The following TRIP12 variants were observed in gnomAD, a reference collection of about 807,000 sequenced individuals.
TRIP12 encodes E3 ubiquitin-protein ligase TRIP12.
TRIP12 carries 25 observed loss-of-function variants against 244.2 expected under a neutral mutation model. That is an observed-to-expected ratio of 0.10 (90% CI 0.07 to 0.14). The LOEUF (loss-of-function observed/expected upper bound fraction) is 0.14. Among genes scored for constraint, TRIP12 ranks in the 10% least tolerant of loss-of-function variants. The probability of loss-of-function intolerance (pLI) is 1.00; values close to 1 mark genes in which losing one functional copy is unlikely to be tolerated. For missense variants in TRIP12, 1,677 were observed against 2,486.4 expected (o/e 0.67, Z 6.92); for synonymous variants, 905 against 873.1 (o/e 1.04, Z -0.64).
Position 229,814,333 on chromosome 2 carries a change from C to T in TRIP12, c.1732-8G>A. On this transcript the variant is annotated splice_polypyrimidine_tract_variant and splice_region_variant and intron_variant, in intron 11 of 41. Transcript: ENST00000675903. ...ACACTGAATAACTTGCAGCTGGGAA[C>T]ATATATATAGTTACCATAAGGTTAT... is the stretch of plus-strand genomic sequence containing the variant. The T allele has an allele frequency of 1.2e-6, 2 of 1,613,180 alleles. No individual in the cohort carries two copies. The highest frequency in any genetic ancestry group is 1.3e-5 in the African/African-American group (1 of 75,000).
intron 1 of TRIP12, among the ~76,000 whole-genome samples, chr2:229,896,807 T>TG (rs1560199057): frequency 6.6e-6 from 1 of 152,124 alleles, no homozygotes. Flanking sequence ...GCAAAGCTGG[T>TG]GTATCTAAAA....
rs550774362 is a variant in TRIP12 at position 229,783,908 on chromosome 2, C to T, written c.5094+1849G>A. 3.3e-5 allele frequency among the ~76,000 whole-genome samples: 5 copies of T among 150,498 alleles called. No homozygotes were observed. The East Asian group carries it at 5.9e-4, about 18-fold the overall frequency. On this transcript the variant is annotated intron_variant, in intron 34 of 41. Coordinates refer to ENST00000675903, the MANE Select transcript of TRIP12 (RefSeq NM_001348323.3). ...GGTGGATCACCTGAGGTCAGGAGTTCGAGACCAGCCTGACCAACATGCAGA... is the reference window on the plus strand; with the variant it reads ...GGTGGATCACCTGAGGTCAGGAGTTTGAGACCAGCCTGACCAACATGCAGA...
intron 1 of TRIP12, among the ~76,000 whole-genome samples, chr2:229,904,515 A>G (rs2072102821): frequency 6.6e-6 from 1 of 152,132 alleles, no homozygotes; most frequent in Non-Finnish European, 1.5e-5. Context: ...AAGAACTAAT[A>G]ATGCAACAGG....
chr2:229,861,341 A>C (rs534070539), intron 2 of TRIP12, among the ~76,000 whole-genome samples: 1 of 152,338 alleles, frequency 6.6e-6, no homozygotes, highest in East Asian at 1.9e-4. Flanking sequence ...GGGAATGGTT[A>C]CATGAGATTT....
Position 229,860,328 on chromosome 2 carries a change from C to T in TRIP12, c.224+78G>A, listed in dbSNP as rs917636776. ...ATGTATCAAAACGTTTTGGAATAACCTCAAGTTTTAACATTATGCAATGAT... is the reference window on the plus strand; with the variant it reads ...ATGTATCAAAACGTTTTGGAATAACTTCAAGTTTTAACATTATGCAATGAT... On this transcript the variant is annotated intron_variant, in intron 3 of 41. Transcript: ENST00000675903. 11 of 1,500,530 alleles carry T rather than the reference C, an allele frequency of 7.3e-6. No individual in the cohort carries two copies. In the African/African-American group the frequency reaches 1.4e-4, roughly 19 times the overall value. 93.0% of individuals were successfully genotyped at this position (1,500,530 alleles called of 1,614,324 possible).
intron 15 of TRIP12, among the ~76,000 whole-genome samples, chr2:229,808,627 C>A (rs1305773790): frequency 6.6e-6 from 1 of 152,222 alleles, no homozygotes; most frequent in Non-Finnish European, 1.5e-5. Flanking sequence ...AATTCCTTCT[C>A]ACCCCTGAGA....
rs551597653 is a variant in TRIP12 at position 229,790,571 on chromosome 2, T to C, written c.4543+553A>G. Reference sequence around the variant, plus strand: ...GGGTGTCCTCCATGGAACAATAATATTGTCTAACTCTAAGGCACTGTTAGT... The same window carrying C: ...GGGTGTCCTCCATGGAACAATAATACTGTCTAACTCTAAGGCACTGTTAGT... On this transcript the variant is annotated intron_variant, in intron 30 of 41. Transcript: ENST00000675903. 1.2e-4 allele frequency among the ~76,000 whole-genome samples: 18 copies of C among 151,924 alleles called. No individual in the cohort carries two copies. In the South Asian group the frequency reaches 3.7e-3, roughly 32 times the overall value.
chr2:229,791,327 A>G (rs1232495381), intron 29 of TRIP12, 76 bp from the exon 30 acceptor site: 3 of 1,484,760 alleles, frequency 2.0e-6, no homozygotes, highest in Non-Finnish European at 2.8e-6. Flanking sequence ...AGCCACAGAC[A>G]CCACAGTTAC....
Position 229,830,743 on chromosome 2 carries a change from TA to T in TRIP12, c.1354+12del, listed in dbSNP as rs1227946876. 1 of 1,611,686 alleles carries T rather than the reference TA, an allele frequency of 6.2e-7. No homozygotes were observed. On this transcript the variant is annotated intron_variant, in intron 7 of 41. Transcript: ENST00000675903. ...TGGTAATGGTTTCTTATAGGCTCAATAACTGTTTTTACCTTGCAAACGTCCC... is the reference window on the plus strand; with the variant it reads ...TGGTAATGGTTTCTTATAGGCTCAATACTGTTTTTACCTTGCAAACGTCCC...
At chr2:229,826,825 C>T (rs1351531214) in intron 8 of TRIP12, among the ~76,000 whole-genome samples, 1 of 152,020 alleles carries the variant, frequency 6.6e-6, no homozygotes, top group Non-Finnish European at 1.5e-5. Context: ...AATGGTACGT[C>T]TGTATAGGGC....
intron 13 of TRIP12, among the ~76,000 whole-genome samples, chr2:229,812,123 CTT>C (rs1000736826): frequency 4.6e-5 from 7 of 152,178 alleles, no homozygotes; most frequent in South Asian, 4.1e-4. Context: ...GAGTTTCGCT[CTT>C]GTTACCCAGG....
In TRIP12 at chr2:229,831,062, CTTGT is replaced by C. The variant is rs2053212349; in HGVS notation, c.1271-227_1271-224del. The C allele has an allele frequency of 7.2e-6, 5 of 695,626 alleles. No homozygotes were observed. In the East Asian group the frequency reaches 1.3e-4, roughly 19 times the overall value. 43.1% of individuals were successfully genotyped at this position (695,626 alleles called of 1,614,324 possible). On this transcript the variant is annotated intron_variant, in intron 6 of 41. Transcript: ENST00000675903. ...GTATTAAAAAGGTTGTATTTTTATG[CTTGT>C]TTTTCATTTATATGTGGCTTTTGAC...
chr2:229,904,394 GGAAA>G (rs1410269416), intron 1 of TRIP12, among the ~76,000 whole-genome samples: 1 of 131,800 alleles, frequency 7.6e-6, no homozygotes, highest in Non-Finnish European at 1.5e-5. Context: ...CTCCAGCCTG[GGAAA>G]GAGTGAGACT....
At position 229,803,485 on chromosome 2, in the gene TRIP12, C is replaced by G. The variant is rs1433017853; in HGVS notation, c.2998+86G>C. 5 of 791,852 alleles carry G rather than the reference C, an allele frequency of 6.3e-6. No homozygotes were observed. In the East Asian group the frequency reaches 1.3e-4, roughly 21 times the overall value. 49.1% of individuals were successfully genotyped at this position (791,852 alleles called of 1,614,324 possible). A position where few individuals can be genotyped will look rare whatever the true frequency, so the allele number is the denominator to read the frequency against. ...TAAATGTCATTTTTAAATTGAAAAGCTATCAGTTTTTGCTCGACAGATTAA... is the reference window on the plus strand; with the variant it reads ...TAAATGTCATTTTTAAATTGAAAAGGTATCAGTTTTTGCTCGACAGATTAA... On this transcript the variant is annotated intron_variant, in intron 20 of 41. Transcript: ENST00000675903.
At chr2:229,840,562 T>TG (rs1337873971) in intron 5 of TRIP12, among the ~76,000 whole-genome samples, 1 of 151,566 alleles carries the variant, frequency 6.6e-6, no homozygotes, top group African/African-American at 2.4e-5. Context: ...ATTAGCTGGG[T>TG]GGGGTGGCAG....
At chr2:229,801,160 C>T in intron 21 of TRIP12, among the ~76,000 whole-genome samples, 1 of 152,170 alleles carries the variant, frequency 6.6e-6, no homozygotes, top group East Asian at 1.9e-4. Flanking sequence ...AAAGCAACTG[C>T]AGAATCAGGG....
chr2:229,811,646 C>T (rs1003586959), intron 13 of TRIP12, among the ~76,000 whole-genome samples: 3 of 152,112 alleles, frequency 2.0e-5, no homozygotes, highest in Non-Finnish European at 4.4e-5. Context: ...AGGGCATAGA[C>T]TTGCAATATT....
intron 6 of TRIP12, among the ~76,000 whole-genome samples, chr2:229,835,512 C>A (rs895030401): frequency 3.3e-5 from 5 of 152,318 alleles, no homozygotes; most frequent in Admixed American, 2.6e-4. Context: ...GGAAGTCACA[C>A]ATCACAGCTT....
chr2:229,918,496 T>C (rs1030812577), intron 1 of TRIP12, among the ~76,000 whole-genome samples: 2 of 152,224 alleles, frequency 1.3e-5, no homozygotes, highest in African/African-American at 4.8e-5. Context: ...TGTAATCTCT[T>C]ACATTAAGTC....
Sources: gnomAD v4.1 joint callset for allele counts (sites outside exome capture counted in the v4.1 genomes callset) on GRCh38, gnomAD v4.1.1 for gene constraint, MANE v1.5 for transcripts, NCBI Gene and HGNC (gene_info 2026-07-23, HGNC 2026-07-21) for gene names.